PML: variants seen among roughly 807,000 people sequenced by gnomAD.
The protein encoded by PML is PML nuclear body scaffold, also known as protein PML.
A neutral mutation model predicts 65.2 loss-of-function variants in PML; 28 were observed. The observed-to-expected ratio is 0.43, with a 90% CI of 0.32 to 0.59. The LOEUF is 0.59. Among genes scored for constraint, PML ranks in the 20% least tolerant of loss-of-function variants. The pLI is 0.08. For missense variants in PML, 1,021 were observed against 1,203.4 expected, an observed-to-expected ratio of 0.85 and a Z score of 2.24; for synonymous variants, 500 against 508.8, an observed-to-expected ratio of 0.98 and a Z score of 0.23.
At chr15:73,995,049 G>T (rs2069405153) in intron 1 of PML, 108 bp downstream of exon 1, 5 of 1,068,182 alleles carry the variant, frequency 4.7e-6, no homozygotes, top group Non-Finnish European at 6.6e-6. Flanking sequence ...ACCCTAGAGA[G>T]TGACACAAAG....
intron 4 of PML, chr15:74,025,326 G>A: frequency 3.7e-6 from 1 of 266,782 alleles, no homozygotes; most frequent in Non-Finnish European, 7.5e-6. Flanking sequence ...TGAGGGATGT[G>A]CAGATGTCCT....
At chr15:74,031,203 T>G (rs1385651035) in intron 4 of PML, 7 of 419,754 alleles carry the variant, frequency 1.7e-5, no homozygotes, top group Non-Finnish European at 2.9e-5. Flanking sequence ...ATTTATCCAT[T>G]CTGGGCATTG....
chr15:74,043,286 C>T lies in PML; in HGVS notation c.1861+147C>T. 7 of 1,532,450 alleles carry T rather than the reference C, an allele frequency of 4.6e-6. No individual in the cohort carries two copies. The highest frequency in any genetic ancestry group is 4.4e-6 in the Non-Finnish European group (5 of 1,144,502). The allele number at this position is 1,532,450 out of a possible 1,614,324, so 94.9% of individuals were successfully genotyped here. A position where few individuals can be genotyped will look rare whatever the true frequency, so the allele number is the denominator to read the frequency against. On this transcript the variant is annotated intron_variant, in intron 8 of 8. Transcript: ENST00000268058. This position sits in a 1 kb window ranked among gnomAD's most constrained non-coding sequence, Gnocchi z 4.3. ...CCAGGCTGGGCAGAGCACTCCGGCT[C>T]ACCTGGGCTCCTGGCGTGTCATTTG... is the stretch of plus-strand genomic sequence containing the variant.
chr15:74,023,462 G>A, intron 3 of PML, 54 bp downstream of exon 3: 1 of 1,384,594 alleles, frequency 7.2e-7, no homozygotes, highest in Non-Finnish European at 1.0e-6. Flanking sequence ...GCACCCTAGG[G>A]AAGGCGAGTC....
chr15:74,025,173 G>A, intron 4 of PML: 1 of 540,094 alleles, frequency 1.9e-6, no homozygotes, highest in East Asian at 3.2e-5. Flanking sequence ...CAGGTTCAGT[G>A]GGGGTTAGAT....
rs143771788 is a variant in PML, at chr15:74,044,516, C to T, written c.2157C>T (p.Pro719=). The change falls in exon 9 of 9, where the codon CCC becomes CCT. Residue 719 remains proline, a synonymous_variant. Coordinates refer to ENST00000268058, the MANE Select transcript of PML (RefSeq NM_033238.3). ...TGCCTCTCATCCGGGAGCGTGTGCC[C>T]GGGGCCAGCAGCTTCAAACTCAAGA... The part of the protein sequence containing the change: ...AALPLIRERV[P]GASSFKLKNL... 336 of 1,614,002 alleles carry T rather than the reference C, an allele frequency of 2.1e-4. 1 individual carries two copies. The highest frequency in any genetic ancestry group is 1.2e-3 in the Middle Eastern group (7 of 6,062).
At chr15:74,041,384 C>T (rs980298247) in intron 7 of PML, 3 of 152,300 alleles carry the variant, frequency 2.0e-5, no homozygotes, top group Admixed American at 2.0e-4. Context: ...TTGTAGAAGG[C>T]TCCTTACAGG....
intron 4 of PML, 159 bp from the exon 5 acceptor site, chr15:74,032,413 G>T: frequency 1.4e-6 from 1 of 735,670 alleles, no homozygotes; most frequent in Non-Finnish European, 2.4e-6. Context: ...TGGAGAGTTT[G>T]GAGGACTTCT....
chr15:74,009,152 C>T (rs1441689634), intron 2 of PML, among the ~76,000 whole-genome samples: 1 of 152,150 alleles, frequency 6.6e-6, no homozygotes, highest in African/African-American at 2.4e-5. Context: ...TCTAGGGCTG[C>T]AGGTGGAGCT....
chr15:73,999,095 T>G (rs1281889684), intron 2 of PML, among the ~76,000 whole-genome samples: 1 of 152,222 alleles, frequency 6.6e-6, no homozygotes, highest in African/African-American at 2.4e-5. Context: ...AGTGCAATCT[T>G]CTGTCCATGC....
Position 74,035,760 on chromosome 15 carries a change from G to A in PML, c.1710+1230G>A. 6.2e-7 allele frequency: 1 copy of A among 1,614,148 alleles called. No individual in the cohort carries two copies. The highest frequency in any genetic ancestry group is 1.3e-5 in the African/African-American group (1 of 75,038). ...TTCCCAGCTTGACATGTCTTCCGTG[G>A]TGGGGGCAGGGGAAAGCAGAGCCCA... is the stretch of plus-strand genomic sequence containing the variant. On this transcript the variant is annotated intron_variant, in intron 7 of 8. Coordinates refer to ENST00000268058, the MANE Select transcript of PML (RefSeq NM_033238.3). This position sits in a 1 kb window ranked among gnomAD's most constrained non-coding sequence, Gnocchi z 4.1.
intron 2 of PML, among the ~76,000 whole-genome samples, chr15:74,011,729 C>T (rs2070342009): frequency 6.6e-6 from 1 of 152,242 alleles, no homozygotes; most frequent in Non-Finnish European, 1.5e-5. Flanking sequence ...ATTCTCCTAA[C>T]TCCCACACCC....
chr15:74,019,646 T>A (rs1457982756), intron 2 of PML, among the ~76,000 whole-genome samples: 1 of 152,180 alleles, frequency 6.6e-6, no homozygotes, highest in Non-Finnish European at 1.5e-5. Context: ...ACACAAAAGG[T>A]AGCATCTGAT....
chr15:73,999,801 G>A (rs2069673491), intron 2 of PML, among the ~76,000 whole-genome samples: 1 of 147,894 alleles, frequency 6.8e-6, no homozygotes, highest in Non-Finnish European at 1.5e-5. Context: ...TTTATCTCTG[G>A]TTCTATCTTT....
rs2071719265 is a variant in PML, at chr15:74,042,607, C to T, written c.1711-382C>T. 2 of 985,288 alleles carry T rather than the reference C, an allele frequency of 2.0e-6. No individual in the cohort carries two copies. Among genetic ancestry groups the T allele is most frequent in the African/African-American group, 3.5e-5 (2 of 57,230 alleles). 61.0% of individuals were successfully genotyped at this position (985,288 alleles called of 1,614,324 possible). ...CAGCACAGCACACTCATGCACACAC[C>T]CACTGGCATTTTCTCTCACACTTTC... On this transcript the variant is annotated intron_variant, in intron 7 of 8. Coordinates refer to ENST00000268058, the MANE Select transcript of PML (RefSeq NM_033238.3). The surrounding 1 kb of genome is among the most constrained non-coding windows in gnomAD (Gnocchi z 5.3).
Position 74,035,688 on chromosome 15 carries a change from T to C in PML, c.1710+1158T>C, listed in dbSNP as rs369142690. The C allele has an allele frequency of 1.9e-5, 31 of 1,614,020 alleles. No individual in the cohort carries two copies. The highest frequency in any genetic ancestry group is 2.7e-5 in the African/African-American group (2 of 74,936). On this transcript the variant is annotated intron_variant, in intron 7 of 8. Coordinates refer to ENST00000268058, the MANE Select transcript of PML (RefSeq NM_033238.3). This position sits in a 1 kb window ranked among gnomAD's most constrained non-coding sequence, Gnocchi z 4.1. ...CTCCCTCCGGGGCTCCTCCCATTTA[T>C]CCCAGTGGCTCAACAACTTTTTTGC...
At chr15:74,041,247 GC>G (rs1228949531) in intron 7 of PML, 1 of 152,370 alleles carries the variant, frequency 6.6e-6, no homozygotes, top group Non-Finnish European at 1.5e-5. Context: ...GGGGAGCCCA[GC>G]CCCTCCACCA....
Position 74,047,259 on chromosome 15 carries a change from T to C in PML, c.*2251T>C, listed in dbSNP as rs892571358. ...GGTGATGAATGTGTTGTCTTGGCCA[T>C]CACAGGTGGAGCTTCAGTTAGTACC... On this transcript the variant is annotated 3_prime_UTR_variant, in exon 9 of 9. Coordinates refer to ENST00000268058, the MANE Select transcript of PML (RefSeq NM_033238.3). 4.3e-6 allele frequency: 1 copy of C among 230,348 alleles called. No homozygotes were observed. Among genetic ancestry groups the C allele is most frequent in the Non-Finnish European group, 8.6e-6 (1 of 116,244 alleles). 14.3% of individuals were successfully genotyped at this position (230,348 alleles called of 1,614,324 possible).
At chr15:74,002,855 G>A (rs1390255939) in intron 2 of PML, among the ~76,000 whole-genome samples, 1 of 152,098 alleles carries the variant, frequency 6.6e-6, no homozygotes, top group Non-Finnish European at 1.5e-5. Flanking sequence ...GCCAGATGTG[G>A]TGGCTTCCAC....
Sources: gnomAD v4.1 joint callset for allele counts (sites outside exome capture counted in the v4.1 genomes callset) on GRCh38, gnomAD v4.1.1 for gene constraint, Gnocchi (gnomAD v3.1) non-coding constraint, MANE v1.5 for transcripts, NCBI Gene and HGNC (gene_info 2026-07-23, HGNC 2026-07-21) for gene names.